The following IL1RAPL2 variants were observed in gnomAD, a reference collection of about 807,000 sequenced individuals.
The protein encoded by IL1RAPL2 is interleukin 1 receptor accessory protein like 2.
A neutral mutation model predicts 44.1 loss-of-function variants in IL1RAPL2; 3 were observed. The ratio of observed to expected loss-of-function variants is 0.07; its 90% CI spans 0.03 to 0.18. The LOEUF (loss-of-function observed/expected upper bound fraction) is 0.18, where lower values mean the gene tolerates loss of function less well. IL1RAPL2 is among the 10% of genes least tolerant of loss of function. The pLI is 1.00. For missense variants in IL1RAPL2, 391 were observed against 496.4 expected, an observed-to-expected ratio of 0.79 and a Z score of 2.02; for synonymous variants, 181 against 178.8, an observed-to-expected ratio of 1.01 and a Z score of -0.10.
chrX:104,869,825 GC>G (rs1222894069), intron 2 of IL1RAPL2, among the ~76,000 whole-genome samples: 1 of 111,936 alleles, frequency 8.9e-6, no homozygotes, highest in Non-Finnish European at 1.9e-5. Context: ...TGTTTGTGAG[GC>G]CCAGTTCCCA....
chrX:104,846,372 G>A (rs915522811), intron 2 of IL1RAPL2, among the ~76,000 whole-genome samples: 1 of 109,300 alleles, frequency 9.1e-6, no homozygotes, highest in Admixed American at 9.8e-5. Context: ...ACAGGCCCCG[G>A]TGTGTGATGT....
At chrX:104,820,831 T>C (rs1244695892) in intron 2 of IL1RAPL2, among the ~76,000 whole-genome samples, 1 of 112,381 alleles carries the variant, frequency 8.9e-6, no homozygotes, top group Admixed American at 9.5e-5. Context: ...TAAAAATGCC[T>C]AATGTGATAA....
At chrX:105,325,931 C>G (rs1407738124) in intron 5 of IL1RAPL2, among the ~76,000 whole-genome samples, 1 of 110,891 alleles carries the variant, frequency 9.0e-6, no homozygotes, top group East Asian at 2.8e-4. Context: ...GGTTATTTGT[C>G]TTTTTATTAT....
chrX:104,808,043 T>C (rs1382244151), intron 2 of IL1RAPL2, among the ~76,000 whole-genome samples: 1 of 112,158 alleles, frequency 8.9e-6, no homozygotes, highest in African/African-American at 3.2e-5. Flanking sequence ...AGTTTTCTAA[T>C]GTAAGCAGTA....
At chrX:105,249,401 G>C (rs900959286) in intron 4 of IL1RAPL2, among the ~76,000 whole-genome samples, 2 of 111,323 alleles carry the variant, frequency 1.8e-5, no homozygotes, top group African/African-American at 3.3e-5. Flanking sequence ...CAAAAAAATA[G>C]TTAGGAAAAA....
chrX:104,802,262 T>C (rs1377009593), intron 2 of IL1RAPL2, among the ~76,000 whole-genome samples: 3 of 107,392 alleles, frequency 2.8e-5, no homozygotes, highest in Non-Finnish European at 5.8e-5. Context: ...GGAGAATTGC[T>C]TGAACCTAGG....
intron 5 of IL1RAPL2, among the ~76,000 whole-genome samples, chrX:105,425,657 C>CA (rs938524792): frequency 5.5e-5 from 6 of 110,009 alleles, no homozygotes; most frequent in African/African-American, 2.0e-4. Context: ...GGGGAGCTGA[C>CA]AGAGTGTCCT....
At chrX:104,641,056 GC>G (rs1929924287) in intron 1 of IL1RAPL2, among the ~76,000 whole-genome samples, 1 of 112,121 alleles carries the variant, frequency 8.9e-6, no homozygotes, top group African/African-American at 3.2e-5. Flanking sequence ...CACAGACAAG[GC>G]ATGGGTAATG....
chrX:104,888,843 A>G (rs187576174), intron 2 of IL1RAPL2, among the ~76,000 whole-genome samples: 30 of 111,916 alleles, frequency 2.7e-4, no homozygotes, highest in African/African-American at 8.1e-4. Context: ...AGGACCAAGA[A>G]TACCCTAACA....
chrX:104,983,597 T>C (rs868700957), intron 2 of IL1RAPL2, among the ~76,000 whole-genome samples: 1 of 70,814 alleles, frequency 1.4e-5, no homozygotes, highest in Non-Finnish European at 2.8e-5. Flanking sequence ...TAATATATTA[T>C]ATGCATAATA....
chrX:105,214,065 A>G (rs1204565596), intron 3 of IL1RAPL2, among the ~76,000 whole-genome samples: 7 of 105,458 alleles, frequency 6.6e-5, no homozygotes, highest in African/African-American at 2.4e-4. Context: ...GCATCAACTA[A>G]TGTGCAAAAT....
chrX:105,524,247 A>G (rs1404722964), intron 6 of IL1RAPL2, among the ~76,000 whole-genome samples: 2 of 111,478 alleles, frequency 1.8e-5, no homozygotes, highest in African/African-American at 6.5e-5. Context: ...CAAGCTGCTC[A>G]TCATTCATTT....
intron 5 of IL1RAPL2, among the ~76,000 whole-genome samples, chrX:105,346,489 A>G (rs771728788): frequency 7.3e-4 from 82 of 112,487 alleles, no homozygotes; most frequent in African/African-American, 2.6e-3. Context: ...CTATCAGAAA[A>G]TAAATCACCT....
At chrX:105,049,907 C>A (rs2147526682) in intron 2 of IL1RAPL2, among the ~76,000 whole-genome samples, 1 of 110,711 alleles carries the variant, frequency 9.0e-6, no homozygotes, top group East Asian at 2.8e-4. Flanking sequence ...TCTACAAGTT[C>A]TTAATTAAAA....
intron 2 of IL1RAPL2, among the ~76,000 whole-genome samples, chrX:105,181,712 C>A (rs1447334801): frequency 9.0e-6 from 1 of 110,714 alleles, no homozygotes; most frequent in African/African-American, 3.3e-5. Flanking sequence ...ATATGTTGAG[C>A]CTTTGTTTTG....
chrX:105,575,265 A>C (rs969458475), intron 6 of IL1RAPL2, among the ~76,000 whole-genome samples: 1 of 110,326 alleles, frequency 9.1e-6, no homozygotes, highest in Non-Finnish European at 1.9e-5. Context: ...TGTACAGATT[A>C]TTTTGTCACC....
At chrX:105,124,018 T>A (rs1266841615) in intron 2 of IL1RAPL2, among the ~76,000 whole-genome samples, 1 of 110,866 alleles carries the variant, frequency 9.0e-6, no homozygotes, top group African/African-American at 3.3e-5. Flanking sequence ...TTCTTATTAA[T>A]CACCTATCTA....
intron 1 of IL1RAPL2, among the ~76,000 whole-genome samples, chrX:104,609,922 G>A (rs915567780): frequency 1.8e-5 from 2 of 111,515 alleles, no homozygotes; most frequent in African/African-American, 6.5e-5. Flanking sequence ...CTTTGGAGGA[G>A]AAGAGGCATT....
intron 2 of IL1RAPL2, among the ~76,000 whole-genome samples, chrX:104,941,152 G>A (rs749834648): frequency 1.3e-4 from 14 of 110,417 alleles, no homozygotes; most frequent in South Asian, 4.0e-4. Flanking sequence ...GAATAGTGCC[G>A]CAATAAACAT....
Sources: allele counts gnomAD v4.1 joint callset (sites outside exome capture counted in the v4.1 genomes callset), GRCh38; gene constraint gnomAD v4.1.1; transcripts MANE v1.5; gene names NCBI Gene and HGNC (gene_info 2026-07-23, HGNC 2026-07-21).